Variants in RABGAP1L observed in about 807,000 individuals in gnomAD.
RABGAP1L encodes rab GTPase-activating protein 1-like.
Under a neutral mutation model 137.7 loss-of-function variants are expected in RABGAP1L, and 63 were observed. The observed-to-expected ratio is 0.46, with a 90% CI of 0.37 to 0.56. The LOEUF (loss-of-function observed/expected upper bound fraction) is 0.56, where lower values mean the gene tolerates loss of function less well. Among genes scored for constraint, RABGAP1L ranks in the 20% least tolerant of loss-of-function variants. The probability of loss-of-function intolerance (pLI) is 0.00; values close to 1 mark genes in which losing one functional copy is unlikely to be tolerated. For synonymous variants in RABGAP1L, 431 were observed against 433.7 expected (o/e 0.99, Z 0.08); for missense variants, 1,095 against 1,244.0 (o/e 0.88, Z 1.80).
At chr1:174,621,878 C>G (rs1474593888) in intron 13 of RABGAP1L, among the ~76,000 whole-genome samples, 2 of 152,160 alleles carry the variant, frequency 1.3e-5, no homozygotes. Context: ...TAAAGAGCTT[C>G]TGCACAGCAA....
intron 16 of RABGAP1L, among the ~76,000 whole-genome samples, chr1:174,701,740 T>C (rs1679667485): frequency 2.1e-5 from 2 of 97,346 alleles, no homozygotes; most frequent in Admixed American, 2.2e-4. Context: ...AAGACTCTTA[T>C]CTCAAAAAAA....
intron 13 of RABGAP1L, among the ~76,000 whole-genome samples, chr1:174,620,539 G>C (rs577834552): frequency 1.3e-5 from 2 of 152,060 alleles, no homozygotes; most frequent in African/African-American, 2.4e-5. Context: ...TGACTGCCAG[G>C]TACATAACGA....
At chr1:174,331,237 A>G (rs1681001862) in intron 11 of RABGAP1L, among the ~76,000 whole-genome samples, 1 of 152,254 alleles carries the variant, frequency 6.6e-6, no homozygotes, top group South Asian at 2.1e-4. Flanking sequence ...AATTGCTAGA[A>G]GAAAACACAG....
intron 11 of RABGAP1L, among the ~76,000 whole-genome samples, chr1:174,344,562 G>C (rs953221429): frequency 6.6e-6 from 1 of 152,158 alleles, no homozygotes; most frequent in Non-Finnish European, 1.5e-5. Flanking sequence ...TAGTGATACA[G>C]CTGCATATTT....
At position 174,844,261 on chromosome 1, in the gene RABGAP1L, G is replaced by A. The variant is rs1185791075; in HGVS notation, c.2340+32301G>A. ...CCATTTGTCAATTTTGGCTTTTGTT[G>A]CCATTGCTTTTGGTGTTTTGGACAT... On this transcript the variant is annotated intron_variant, in intron 19 of 25. Coordinates refer to ENST00000681986, the MANE Select transcript of RABGAP1L (RefSeq NM_001366446.1). Among the ~76,000 whole-genome samples, 4 of 120,236 alleles carry A rather than the reference G, an allele frequency of 3.3e-5. No homozygotes were observed. In the East Asian group the frequency reaches 9.6e-4, roughly 29 times the overall value. The allele number at this position is 120,236 out of a possible 152,430, so 78.9% of individuals were successfully genotyped here.
intron 11 of RABGAP1L, among the ~76,000 whole-genome samples, chr1:174,334,868 A>T (rs1165475484): frequency 6.6e-6 from 1 of 152,218 alleles, no homozygotes; most frequent in Non-Finnish European, 1.5e-5. Context: ...AATGAGAAAG[A>T]CTAGAAAAGC....
chr1:174,953,720 A>G (rs1224926804), intron 19 of RABGAP1L, among the ~76,000 whole-genome samples: 1 of 152,240 alleles, frequency 6.6e-6, no homozygotes, highest in Non-Finnish European at 1.5e-5. Flanking sequence ...TCACTGTGGA[A>G]TACGATGAAA....
intron 13 of RABGAP1L, among the ~76,000 whole-genome samples, chr1:174,526,442 A>G (rs886451896): frequency 6.6e-6 from 1 of 152,102 alleles, no homozygotes; most frequent in African/African-American, 2.4e-5. Context: ...TGTTCGGTAG[A>G]ACTCAGCAGT....
intron 13 of RABGAP1L, among the ~76,000 whole-genome samples, chr1:174,489,781 A>G (rs1660047380): frequency 6.6e-6 from 1 of 152,186 alleles, no homozygotes; most frequent in African/African-American, 2.4e-5. Context: ...AACCAACCCA[A>G]ATGTCCATCA....
intron 13 of RABGAP1L, among the ~76,000 whole-genome samples, chr1:174,492,212 C>T (rs1660314583): frequency 2.2e-5 from 3 of 139,256 alleles, no homozygotes; most frequent in African/African-American, 5.4e-5. Flanking sequence ...CAAAATTTCA[C>T]TCTTATTGCT....
intron 19 of RABGAP1L, among the ~76,000 whole-genome samples, chr1:174,820,894 A>G (rs1013795758): frequency 1.3e-5 from 2 of 151,910 alleles, no homozygotes; most frequent in East Asian, 1.9e-4. Context: ...GCACGTGCCT[A>G]TAATCCTAGC....
At position 174,995,236 on chromosome 1, in the gene RABGAP1L, A is replaced by C. The variant is rs1410073680; in HGVS notation, c.*5235A>C. 2 of 152,234 alleles carry C rather than the reference A, an allele frequency of 1.3e-5. No individual in the cohort carries two copies. The highest frequency in any genetic ancestry group is 2.9e-5 in the Non-Finnish European group (2 of 68,030). The allele number at this position is 152,234 out of a possible 1,614,324, so 9.4% of individuals were successfully genotyped here. A position where few individuals can be genotyped will look rare whatever the true frequency, so the allele number is the denominator to read the frequency against. ...AACAAGGTGACTGTTTTTGTGAGCC[A>C]GTGATGTTTTCAATGCTTTGTGTTG... On this transcript the variant is annotated 3_prime_UTR_variant, in exon 26 of 26. Transcript: ENST00000681986.
rs71117567 is a variant in RABGAP1L, at chr1:174,534,775, C to CAA, written c.1711-102572_1711-102571dup. Among the ~76,000 whole-genome samples, 405 of 71,584 alleles carry CAA rather than the reference C, an allele frequency of 5.7e-3. 13 individuals are homozygous for CAA. Among genetic ancestry groups the CAA allele is most frequent in the Admixed American group, 0.023 (129 of 5,688 alleles). The allele number at this position is 71,584 out of a possible 152,430, so 47.0% of individuals were successfully genotyped here. On this transcript the variant is annotated intron_variant, in intron 13 of 25. Transcript: ENST00000681986. ...GGATGACAGAGCGAAACTCTGTCTC[C>CAA]AAAAAAAAAAAAAAAAAAAAAAAAA...
At chr1:174,652,850 T>C (rs1338175782) in intron 14 of RABGAP1L, among the ~76,000 whole-genome samples, 1 of 152,198 alleles carries the variant, frequency 6.6e-6, no homozygotes, top group Non-Finnish European at 1.5e-5. Flanking sequence ...CTGCTCTCTT[T>C]ACAGCCGGCA....
chr1:174,614,584 T>C (rs929368126), intron 13 of RABGAP1L, among the ~76,000 whole-genome samples: 3 of 152,184 alleles, frequency 2.0e-5, no homozygotes, highest in South Asian at 2.1e-4. Flanking sequence ...AGGAGTATCT[T>C]TGTGGCATTC....
At chr1:174,841,280 T>C (rs1469117053) in intron 19 of RABGAP1L, among the ~76,000 whole-genome samples, 4 of 152,166 alleles carry the variant, frequency 2.6e-5, no homozygotes, top group Admixed American at 1.3e-4. Flanking sequence ...ATATACAGCA[T>C]TCTGTGATCT....
At chr1:174,265,638 G>A (rs1467921149) in intron 7 of RABGAP1L, among the ~76,000 whole-genome samples, 1 of 151,500 alleles carries the variant, frequency 6.6e-6, no homozygotes, top group African/African-American at 2.4e-5. Flanking sequence ...GAGAATTAAT[G>A]GGAACATTAT....
chr1:174,677,475 A>C (rs1274525455), intron 14 of RABGAP1L, among the ~76,000 whole-genome samples: 1 of 152,254 alleles, frequency 6.6e-6, no homozygotes, highest in Non-Finnish European at 1.5e-5. Context: ...CTGAAGAAAG[A>C]GACCTAAAAA....
chr1:174,460,067 G>A lies in RABGAP1L; in HGVS notation c.1710+65922G>A, dbSNP rs139128989. Among the ~76,000 whole-genome samples the A allele has an allele frequency of 1.2e-3, 180 of 152,114 alleles. 1 individual carries two copies. The highest frequency in any genetic ancestry group is 4.2e-3 in the African/African-American group (174 of 41,520). ...GGGATTTCTTATAGAGATAATTTGAGTGACAAGGTATATTGTTTCCACGTT... is the reference window on the plus strand; with the variant it reads ...GGGATTTCTTATAGAGATAATTTGAATGACAAGGTATATTGTTTCCACGTT... On this transcript the variant is annotated intron_variant, in intron 13 of 25. Transcript: ENST00000681986.
Sources: allele counts gnomAD v4.1 joint callset (sites outside exome capture counted in the v4.1 genomes callset), GRCh38; gene constraint gnomAD v4.1.1; transcripts MANE v1.5; gene names NCBI Gene and HGNC (gene_info 2026-07-23, HGNC 2026-07-21).